ADGRL2: variants seen among roughly 807,000 people sequenced by gnomAD.
ADGRL2 encodes calcium-independent alpha-latrotoxin receptor 2.
A neutral mutation model predicts 157.4 loss-of-function variants in ADGRL2; 44 were observed. The observed-to-expected ratio is 0.28, with a 90% CI of 0.22 to 0.36. The LOEUF (loss-of-function observed/expected upper bound fraction) is 0.36, where lower values mean the gene tolerates loss of function less well. Ranked by LOEUF, ADGRL2 falls within the 10% of genes least tolerant of loss-of-function variation. The pLI is 1.00. For synonymous variants in ADGRL2, 585 were observed against 624.7 expected, an observed-to-expected ratio of 0.94 and a Z score of 0.95; for missense variants, 1,510 against 1,768.9, an observed-to-expected ratio of 0.85 and a Z score of 2.63.
At chr1:81,591,058 T>A (rs796662440) in intron 3 of ADGRL2, among the ~76,000 whole-genome samples, 10 of 152,264 alleles carry the variant, frequency 6.6e-5, no homozygotes, top group African/African-American at 2.4e-4. Flanking sequence ...CCTAGCTGGG[T>A]CATGCTGAAA....
chr1:81,568,380 A>G (rs749244014), intron 2 of ADGRL2, among the ~76,000 whole-genome samples: 67 of 152,234 alleles, frequency 4.4e-4, no homozygotes, highest in Admixed American at 2.9e-3. Flanking sequence ...AACCTTGCAC[A>G]CATCCTATTA....
At chr1:81,439,152 G>A (rs1261460943) in intron 1 of ADGRL2, among the ~76,000 whole-genome samples, 1 of 152,114 alleles carries the variant, frequency 6.6e-6, no homozygotes, top group Non-Finnish European at 1.5e-5. Context: ...TTTCTCATGT[G>A]TTGTTATCAC....
chr1:81,594,071 C>G (rs1051607578), intron 3 of ADGRL2, among the ~76,000 whole-genome samples: 2 of 152,080 alleles, frequency 1.3e-5, no homozygotes, highest in Non-Finnish European at 2.9e-5. Context: ...GTATAAGCTT[C>G]CAATTTTTAG....
chr1:81,392,964 A>T (rs2076585484), intron 1 of ADGRL2, among the ~76,000 whole-genome samples: 1 of 152,090 alleles, frequency 6.6e-6, no homozygotes, highest in Non-Finnish European at 1.5e-5. Flanking sequence ...ATACTTCCAT[A>T]AAATTCCTTT....
At chr1:81,421,632 G>A (rs2077126416) in intron 1 of ADGRL2, among the ~76,000 whole-genome samples, 1 of 151,982 alleles carries the variant, frequency 6.6e-6, no homozygotes, top group African/African-American at 2.4e-5. Context: ...TCATGACAGT[G>A]TCATATTAGA....
chr1:81,619,235 C>T (rs1266403766), intron 3 of ADGRL2, among the ~76,000 whole-genome samples: 2 of 151,312 alleles, frequency 1.3e-5, no homozygotes, highest in African/African-American at 4.9e-5. Flanking sequence ...GAACGTATCA[C>T]TGTTTATGGG....
At chr1:81,605,036 G>A (rs987912268) in intron 3 of ADGRL2, among the ~76,000 whole-genome samples, 1 of 152,088 alleles carries the variant, frequency 6.6e-6, no homozygotes, top group African/African-American at 2.4e-5. Flanking sequence ...AATAGCTCAG[G>A]TCTTTTCTCT....
chr1:81,814,213 G>T (rs560765735), intron 1 of ADGRL2, among the ~76,000 whole-genome samples: 1 of 151,414 alleles, frequency 6.6e-6, no homozygotes, highest in Non-Finnish European at 1.5e-5. Flanking sequence ...AAAAAAATAC[G>T]AATTTATGAT....
At chr1:81,865,659 T>C (rs918333302) in intron 2 of ADGRL2, among the ~76,000 whole-genome samples, 1 of 152,156 alleles carries the variant, frequency 6.6e-6, no homozygotes, top group African/African-American at 2.4e-5. Context: ...CTTTGCTACT[T>C]GCCCTGCAGA....
At chr1:81,802,689 C>T (rs1170658064) in intron 1 of ADGRL2, among the ~76,000 whole-genome samples, 1 of 152,086 alleles carries the variant, frequency 6.6e-6, no homozygotes, top group African/African-American at 2.4e-5. Context: ...GCGCTGGGGC[C>T]CGGGGCCACC....
At position 81,942,431 on chromosome 1, in the gene ADGRL2, T is replaced by A. The variant is rs558531712; in HGVS notation, c.409+386T>A. On this transcript the variant is annotated intron_variant, in intron 5 of 23. Coordinates refer to ENST00000686636, the MANE Select transcript of ADGRL2 (RefSeq NM_001366006.2). ...TGCTTTTCTTGCATTTACTTTTCTG[T>A]GCTCCTAATTGCATTTTCCAAATAC... Among the ~76,000 whole-genome samples, 7 of 152,022 alleles carry A rather than the reference T, an allele frequency of 4.6e-5. No homozygotes were observed. The South Asian group carries it at 1.5e-3, about 32-fold the overall frequency.
intron 18 of ADGRL2, among the ~76,000 whole-genome samples, 199 bp downstream of exon 18, chr1:81,980,159 G>A (rs1292975521): frequency 1.3e-5 from 2 of 151,624 alleles, no homozygotes; most frequent in Non-Finnish European, 3.0e-5. Context: ...TCTTGATCTA[G>A]AGCCAATAAA....
At position 81,317,049 on chromosome 1, in the gene ADGRL2, T is replaced by C. The variant is rs559749607; in HGVS notation, c.-302+10540T>C. Among the ~76,000 whole-genome samples the C allele has an allele frequency of 5.3e-5, 8 of 152,258 alleles. No individual in the cohort carries two copies. In the East Asian group the frequency reaches 9.7e-4, roughly 18 times the overall value. On this transcript the variant is annotated intron_variant, in intron 1 of 24. Transcript: ENST00000370721. ...ACAGTGATTCTCAACTAGGGATGATTTTGCTTCCCTGGTGACATTTGGTAA... is the reference window on the plus strand; with the variant it reads ...ACAGTGATTCTCAACTAGGGATGATCTTGCTTCCCTGGTGACATTTGGTAA...
At chr1:81,854,876 C>T (rs1250384195) in intron 2 of ADGRL2, among the ~76,000 whole-genome samples, 3 of 151,916 alleles carry the variant, frequency 2.0e-5, no homozygotes, top group Non-Finnish European at 4.4e-5. Flanking sequence ...TGAGGGGTGA[C>T]AAAAGATAGC....
intron 2 of ADGRL2, among the ~76,000 whole-genome samples, chr1:81,846,916 T>C (rs937236399): frequency 6.6e-6 from 1 of 151,882 alleles, no homozygotes; most frequent in African/African-American, 2.4e-5. Flanking sequence ...TTTAAAAAGT[T>C]GGTAAGTAAA....
intron 2 of ADGRL2, among the ~76,000 whole-genome samples, chr1:81,558,215 C>T (rs2148436420): frequency 6.6e-6 from 1 of 152,190 alleles, no homozygotes; most frequent in Non-Finnish European, 1.5e-5. Context: ...AGCTCCTATT[C>T]TGGAAGCGTT....
intron 2 of ADGRL2, among the ~76,000 whole-genome samples, chr1:81,855,896 G>T (rs1322590335): frequency 6.6e-6 from 1 of 152,186 alleles, no homozygotes; most frequent in Non-Finnish European, 1.5e-5. Flanking sequence ...TGAAATTTCC[G>T]AAGTCATATT....
chr1:81,509,942 G>A (rs1013764272), intron 2 of ADGRL2, among the ~76,000 whole-genome samples: 2 of 152,136 alleles, frequency 1.3e-5, no homozygotes, highest in African/African-American at 4.8e-5. Context: ...GGTGACGGAC[G>A]AAGGAAGCGT....
At chr1:81,784,921 T>C (rs1480453870) in intron 2 of ADGRL2, among the ~76,000 whole-genome samples, 2 of 152,136 alleles carry the variant, frequency 1.3e-5, no homozygotes, top group Non-Finnish European at 2.9e-5. Context: ...CTTTTATCTT[T>C]CAATTTGGCA....
Sources: gnomAD v4.1 joint callset for allele counts (sites outside exome capture counted in the v4.1 genomes callset) on GRCh38, gnomAD v4.1.1 for gene constraint, MANE v1.5 for transcripts, NCBI Gene and HGNC (gene_info 2026-07-23, HGNC 2026-07-21) for gene names.